The following GRM7 variants were observed in gnomAD, a reference collection of about 807,000 sequenced individuals.
The protein encoded by GRM7 is metabotropic glutamate receptor 7.
In GRM7, 35 loss-of-function variants were observed where a neutral mutation model predicts 84.5. The observed-to-expected ratio is 0.41, with a 90% CI of 0.32 to 0.55. GRM7 has a LOEUF of 0.55. Ranked by LOEUF, GRM7 falls within the 20% of genes least tolerant of loss-of-function variation. The pLI is 0.19. For synonymous variants in GRM7, 487 were observed against 455.1 expected (o/e 1.07, Z -0.89); for missense variants, 1,003 against 1,194.6 (o/e 0.84, Z 2.36).
At chr3:7,344,349 G>T (rs1045904363) in intron 4 of GRM7, among the ~76,000 whole-genome samples, 14 of 152,014 alleles carry the variant, frequency 9.2e-5, no homozygotes, top group Admixed American at 8.5e-4. Flanking sequence ...GCAGCATTTG[G>T]TTTTCTATTC....
intron 2 of GRM7, among the ~76,000 whole-genome samples, chr3:7,239,370 C>T (rs893376262): frequency 3.9e-5 from 6 of 152,118 alleles, no homozygotes; most frequent in African/African-American, 1.2e-4. Context: ...TGAGGAAAGA[C>T]GGAGCTGGCC....
At chr3:7,089,799 T>C (rs1361865388) in intron 1 of GRM7, among the ~76,000 whole-genome samples, 1 of 152,202 alleles carries the variant, frequency 6.6e-6, no homozygotes, top group African/African-American at 2.4e-5. Flanking sequence ...GAGATAGCCC[T>C]GACTAGAGTA....
At chr3:7,061,508 A>G (rs1369632933) in intron 1 of GRM7, among the ~76,000 whole-genome samples, 1 of 151,774 alleles carries the variant, frequency 6.6e-6, no homozygotes, top group Admixed American at 6.6e-5. Context: ...GTTTGTAGCC[A>G]TTGTACCTAG....
intron 2 of GRM7, among the ~76,000 whole-genome samples, chr3:7,258,591 T>A (rs557871570): frequency 7.9e-5 from 12 of 152,334 alleles, no homozygotes; most frequent in Non-Finnish European, 1.6e-4. Context: ...TTGATTCTTA[T>A]GAGATATTTC....
chr3:7,021,992 A>G (rs114099407), intron 1 of GRM7, among the ~76,000 whole-genome samples: 2,014 of 152,268 alleles, frequency 0.013, 32 homozygotes, highest in African/African-American at 0.046. Flanking sequence ...TAACCAACCA[A>G]ATATGATATA....
At chr3:6,991,309 G>A (rs766673671) in intron 1 of GRM7, among the ~76,000 whole-genome samples, 23 of 152,146 alleles carry the variant, frequency 1.5e-4, no homozygotes, top group Non-Finnish European at 2.8e-4. Context: ...TGAGTTGGGG[G>A]AACTTCTTTC....
chr3:7,071,550 A>G (rs1404525005), intron 1 of GRM7, among the ~76,000 whole-genome samples: 1 of 152,092 alleles, frequency 6.6e-6, no homozygotes, highest in Non-Finnish European at 1.5e-5. Flanking sequence ...CGGGTGAGCC[A>G]TATCTAAGAG....
intron 1 of GRM7, among the ~76,000 whole-genome samples, chr3:6,891,060 C>A (rs1695918450): frequency 1.3e-5 from 2 of 152,080 alleles, no homozygotes; most frequent in African/African-American, 4.8e-5. Flanking sequence ...GCAACCCCTG[C>A]CATTTTTTGT....
At chr3:7,499,860 C>T (rs1006790154) in intron 7 of GRM7, among the ~76,000 whole-genome samples, 1 of 151,790 alleles carries the variant, frequency 6.6e-6, no homozygotes, top group Non-Finnish European at 1.5e-5. Context: ...CTGCAAGCTC[C>T]GCCTCCCAGA....
intron 1 of GRM7, among the ~76,000 whole-genome samples, chr3:7,112,199 A>G (rs1241064615): frequency 6.6e-6 from 1 of 151,126 alleles, no homozygotes; most frequent in Non-Finnish European, 1.5e-5. Context: ...TTTCCTTAAT[A>G]ATTAGTCTAT....
chr3:6,898,402 CAAAAAAA>C (rs58548226), intron 1 of GRM7, among the ~76,000 whole-genome samples: 3 of 101,862 alleles, frequency 2.9e-5, no homozygotes, highest in Non-Finnish European at 6.5e-5. Context: ...GGCACAAAGA[CAAAAAAA>C]AAAAAAAAAA....
intron 9 of GRM7, among the ~76,000 whole-genome samples, chr3:7,689,594 T>A (rs921872738): frequency 6.6e-5 from 10 of 152,178 alleles, no homozygotes; most frequent in African/African-American, 2.4e-4. Flanking sequence ...CCAATTAATA[T>A]CTGCCGTCTT....
At chr3:7,688,479 A>G (rs1700669671) in intron 9 of GRM7, among the ~76,000 whole-genome samples, 1 of 152,090 alleles carries the variant, frequency 6.6e-6, no homozygotes, top group South Asian at 2.1e-4. Flanking sequence ...CCCTTTTCTG[A>G]CCAATTTAAA....
intron 1 of GRM7, among the ~76,000 whole-genome samples, chr3:6,892,210 C>G (rs985597805): frequency 1.3e-5 from 2 of 152,124 alleles, no homozygotes; most frequent in African/African-American, 2.4e-5. Context: ...CAATTACACT[C>G]AAGTCCTATA....
intron 2 of GRM7, among the ~76,000 whole-genome samples, chr3:7,261,715 C>A (rs1698428849): frequency 6.6e-6 from 1 of 152,168 alleles, no homozygotes; most frequent in East Asian, 1.9e-4. Flanking sequence ...GTGTGTCTTG[C>A]AGTTGTTGGT....
intron 4 of GRM7, among the ~76,000 whole-genome samples, chr3:7,406,373 G>A (rs1417601491): frequency 4.0e-5 from 6 of 151,668 alleles, no homozygotes; most frequent in African/African-American, 7.3e-5. Flanking sequence ...AGTGGCGGGC[G>A]CCTGTAATCC....
intron 1 of GRM7, among the ~76,000 whole-genome samples, chr3:6,961,356 C>G (rs2125082286): frequency 6.6e-6 from 1 of 152,292 alleles, no homozygotes; most frequent in South Asian, 2.1e-4. Flanking sequence ...TAATCATTCC[C>G]TTGCTCATAC....
At chr3:7,673,517 TAAAAAA>T (rs35955518) in intron 8 of GRM7, among the ~76,000 whole-genome samples, 3 of 141,526 alleles carry the variant, frequency 2.1e-5, no homozygotes, top group East Asian at 4.1e-4. Context: ...CAGTGACAGT[TAAAAAA>T]AAAAAAAAAG....
At position 7,443,652 on chromosome 3, in the gene GRM7, G is replaced by GTC. The variant is rs140130017; in HGVS notation, c.1175-8943_1175-8942dup. On this transcript the variant is annotated intron_variant, in intron 5 of 9. Transcript: ENST00000357716. Reference sequence around the variant, plus strand: ...AGATCCAGAGCTTGATCAGGTTTATGTCTCTCTCTCTCTTTCTGTGTTGAT... The same window carrying GTC: ...AGATCCAGAGCTTGATCAGGTTTATGTCTCTCTCTCTCTCTTTCTGTGTTGAT... Among the ~76,000 whole-genome samples the GTC allele has an allele frequency of 1.3e-3, 192 of 152,056 alleles. 2 individuals are homozygous for GTC. The highest frequency in any genetic ancestry group is 5.8e-4 in the East Asian group (3 of 5,170).
Sources: gnomAD v4.1 joint callset for allele counts (sites outside exome capture counted in the v4.1 genomes callset) on GRCh38, gnomAD v4.1.1 for gene constraint, MANE v1.5 for transcripts, NCBI Gene and HGNC (gene_info 2026-07-23, HGNC 2026-07-21) for gene names.